The following TMEFF2 variants were observed in gnomAD, a reference collection of about 807,000 sequenced individuals.
TMEFF2 encodes transmembrane protein with EGF like and two follistatin like domains 2.
TMEFF2 carries 28 observed loss-of-function variants against 53.8 expected under a neutral mutation model. That is an observed-to-expected ratio of 0.52 (90% CI 0.39 to 0.71). The LOEUF is 0.71. Among genes scored for constraint, TMEFF2 ranks in the 30% least tolerant of loss-of-function variants. The pLI, the probability that TMEFF2 is intolerant of heterozygous loss-of-function variation, is 0.00. For synonymous variants in TMEFF2, 162 were observed against 166.3 expected (o/e 0.97, Z 0.20); for missense variants, 353 against 455.2 (o/e 0.78, Z 2.04).
chr2:192,158,138 G>A (rs926113388), intron 4 of TMEFF2, among the ~76,000 whole-genome samples: 1 of 152,048 alleles, frequency 6.6e-6, no homozygotes, highest in Non-Finnish European at 1.5e-5. Flanking sequence ...TCATAAAAAT[G>A]TGAATTTCAC....
At chr2:192,145,493 T>C (rs550481739) in intron 4 of TMEFF2, among the ~76,000 whole-genome samples, 1 of 151,936 alleles carries the variant, frequency 6.6e-6, no homozygotes, top group Non-Finnish European at 1.5e-5. Flanking sequence ...TATATTATAC[T>C]AGGAATCAGA....
chr2:191,970,286 G>T (rs139449527), intron 7 of TMEFF2, among the ~76,000 whole-genome samples: 1 of 151,666 alleles, frequency 6.6e-6, no homozygotes, highest in African/African-American at 2.4e-5. Context: ...TAGTTTATTG[G>T]TTACTGTCTT....
chr2:192,104,884 G>C (rs1689109508), intron 4 of TMEFF2, among the ~76,000 whole-genome samples: 1 of 151,998 alleles, frequency 6.6e-6, no homozygotes, highest in South Asian at 2.1e-4. Flanking sequence ...TTTGTGTCAT[G>C]AAATCAGTTC....
At chr2:191,959,550 A>G (rs921852753) in intron 7 of TMEFF2, among the ~76,000 whole-genome samples, 4 of 152,232 alleles carry the variant, frequency 2.6e-5, no homozygotes, top group African/African-American at 9.6e-5. Context: ...AAGTCAAGTA[A>G]GGTTAAGTGG....
intron 5 of TMEFF2, among the ~76,000 whole-genome samples, chr2:192,056,175 G>A (rs1168913457): frequency 1.3e-5 from 2 of 152,002 alleles, no homozygotes; most frequent in African/African-American, 4.8e-5. Context: ...TCAAAATGAT[G>A]GTTAACTGCT....
At chr2:192,130,031 G>C (rs1689776565) in intron 4 of TMEFF2, among the ~76,000 whole-genome samples, 1 of 152,136 alleles carries the variant, frequency 6.6e-6, no homozygotes, top group Admixed American at 6.5e-5. Context: ...AAGTGATTTA[G>C]ATTGTATTGC....
chr2:192,096,540 A>C (rs565153764), intron 4 of TMEFF2, among the ~76,000 whole-genome samples: 2 of 152,188 alleles, frequency 1.3e-5, no homozygotes, highest in Admixed American at 1.3e-4. Context: ...AAAAATTTAA[A>C]ATTGAGTGTA....
intron 7 of TMEFF2, among the ~76,000 whole-genome samples, chr2:191,974,500 G>A (rs1574258047): frequency 6.6e-6 from 1 of 151,966 alleles, no homozygotes; most frequent in East Asian, 1.9e-4. Flanking sequence ...AATTCACATT[G>A]ATTTGAGAAT....
chr2:191,994,635 A>G (rs1206392031), intron 7 of TMEFF2, among the ~76,000 whole-genome samples: 1 of 151,968 alleles, frequency 6.6e-6, no homozygotes, highest in Non-Finnish European at 1.5e-5. Context: ...GGTGTAAAAC[A>G]TTTGCTATTT....
At chr2:192,007,190 T>G (rs576756827) in intron 5 of TMEFF2, among the ~76,000 whole-genome samples, 4 of 152,344 alleles carry the variant, frequency 2.6e-5, no homozygotes, top group Non-Finnish European at 5.9e-5. Context: ...AAAGGCTTTA[T>G]TCATATGGCA....
At chr2:191,998,561 T>G (rs1485363353) in intron 6 of TMEFF2, among the ~76,000 whole-genome samples, 1 of 151,840 alleles carries the variant, frequency 6.6e-6, no homozygotes, top group African/African-American at 2.4e-5. Flanking sequence ...CAATTATAAC[T>G]GAGAAAAATT....
intron 4 of TMEFF2, among the ~76,000 whole-genome samples, chr2:192,164,077 T>C (rs1203734719): frequency 2.6e-5 from 4 of 152,168 alleles, no homozygotes; most frequent in Non-Finnish European, 4.4e-5. Context: ...CTACAATTCA[T>C]TCTCCACACA....
chr2:192,033,540 T>A (rs973165864), intron 5 of TMEFF2, among the ~76,000 whole-genome samples: 1 of 148,996 alleles, frequency 6.7e-6, no homozygotes, highest in African/African-American at 2.5e-5. Flanking sequence ...TTTTTTTTTT[T>A]ACACAAAACC....
intron 3 of TMEFF2, 25 bp downstream of exon 3, chr2:192,184,329 G>T (rs755602240): frequency 4.1e-5 from 66 of 1,611,360 alleles, no homozygotes; most frequent in Middle Eastern, 3.3e-4. Context: ...CATGCAGAAG[G>T]TTTCAAAGAA....
chr2:191,949,463 T>G lies in TMEFF2; in HGVS notation c.*848A>C, dbSNP rs1691801969. On this transcript the variant is annotated 3_prime_UTR_variant, in exon 10 of 10. Coordinates refer to ENST00000272771, the MANE Select transcript of TMEFF2 (RefSeq NM_016192.4). ...CATATTGTATGGTGCTTTTGAGAAT[T>G]CACGATTTTGGTGTTTCACATCTAG... is the stretch of plus-strand genomic sequence containing the variant. 1 of 985,446 alleles carries G rather than the reference T, an allele frequency of 1.0e-6. No homozygotes were observed. The highest frequency in any genetic ancestry group is 6.1e-5 in the Admixed American group (1 of 16,290). 61.0% of individuals were successfully genotyped at this position (985,446 alleles called of 1,614,324 possible).
At chr2:192,116,750 T>G (rs559246140) in intron 4 of TMEFF2, among the ~76,000 whole-genome samples, 102 of 152,198 alleles carry the variant, frequency 6.7e-4, no homozygotes, top group Non-Finnish European at 1.3e-3. Flanking sequence ...GAGACCTATG[T>G]ATTAGAAATC....
At chr2:192,051,896 T>C (rs1687782557) in intron 5 of TMEFF2, among the ~76,000 whole-genome samples, 1 of 152,134 alleles carries the variant, frequency 6.6e-6, no homozygotes, top group African/African-American at 2.4e-5. Context: ...ATAGAGAAAA[T>C]AATAAACATT....
chr2:192,100,918 A>C (rs1325700156), intron 4 of TMEFF2, among the ~76,000 whole-genome samples: 1 of 152,154 alleles, frequency 6.6e-6, no homozygotes, highest in Non-Finnish European at 1.5e-5. Flanking sequence ...TATTTGCACA[A>C]ATTTTATATT....
intron 7 of TMEFF2, 36 bp downstream of exon 7, chr2:191,998,226 A>G: frequency 1.3e-6 from 2 of 1,505,194 alleles, no homozygotes; most frequent in South Asian, 2.4e-5. Flanking sequence ...CTTTTAATAG[A>G]AGAGCTCACA....
Sources: allele counts gnomAD v4.1 joint callset (sites outside exome capture counted in the v4.1 genomes callset), GRCh38; gene constraint gnomAD v4.1.1; transcripts MANE v1.5; gene names NCBI Gene and HGNC (gene_info 2026-07-23, HGNC 2026-07-21).